KCTD1: variants seen among roughly 807,000 people sequenced by gnomAD.
KCTD1 encodes BTB/POZ domain-containing protein KCTD1.
A neutral mutation model predicts 66.0 loss-of-function variants in KCTD1; 24 were observed. The ratio of observed to expected loss-of-function variants is 0.36; its 90% CI spans 0.26 to 0.51. KCTD1 has a LOEUF of 0.51. Ranked by LOEUF, KCTD1 falls within the 20% of genes least tolerant of loss-of-function variation. The pLI is 0.95. For synonymous variants in KCTD1, 511 were observed against 517.2 expected (o/e 0.99, Z 0.16); for missense variants, 943 against 1,205.2 (o/e 0.78, Z 3.22).
chr18:26,465,909 GC>G (rs1980702767), intron 3 of KCTD1, among the ~76,000 whole-genome samples: 1 of 152,222 alleles, frequency 6.6e-6, no homozygotes. Context: ...GTACCAGACA[GC>G]GCTAGTCACC....
chr18:26,566,861 G>C (rs575847562), intron 1 of KCTD1: 1 of 151,786 alleles, frequency 6.6e-6, no homozygotes, highest in East Asian at 1.9e-4. Context: ...AGTTGGGGGT[G>C]GGGGCAAACA....
At chr18:26,520,954 T>C (rs925190672) in intron 1 of KCTD1, among the ~76,000 whole-genome samples, 2 of 152,248 alleles carry the variant, frequency 1.3e-5, no homozygotes, top group Non-Finnish European at 2.9e-5. Flanking sequence ...CTTCTCATGC[T>C]GTAAAAAGGA....
At chr18:26,459,070 G>A (rs1980260215) in intron 4 of KCTD1, 1 of 152,614 alleles carries the variant, frequency 6.6e-6, no homozygotes, top group Non-Finnish European at 1.5e-5. Context: ...ATTTTCCCGG[G>A]CCTCCTGTCT....
At chr18:26,645,323 C>T (rs566374975), upstream of KCTD1, among the ~76,000 whole-genome samples, 2 of 152,202 alleles carry the variant, frequency 1.3e-5, no homozygotes, top group African/African-American at 2.4e-5. Context: ...GATCATAGCT[C>T]ACAGCAGCCT....
At chr18:26,643,928 C>G (rs1987884220), upstream of KCTD1, among the ~76,000 whole-genome samples, 1 of 151,938 alleles carries the variant, frequency 6.6e-6, no homozygotes, top group Non-Finnish European at 1.5e-5. Flanking sequence ...CACCACTGCA[C>G]TCCAGCCTGG....
At chr18:26,579,472 G>A (rs560155977) in intron 1 of KCTD1, among the ~76,000 whole-genome samples, 15 of 152,206 alleles carry the variant, frequency 9.9e-5, no homozygotes, top group Admixed American at 7.8e-4. Flanking sequence ...TTCAATAATT[G>A]TCATCTGGTG....
At chr18:26,494,495 C>T (rs1002116964) in intron 2 of KCTD1, among the ~76,000 whole-genome samples, 1 of 152,146 alleles carries the variant, frequency 6.6e-6, no homozygotes, top group Non-Finnish European at 1.5e-5. Flanking sequence ...AAAAATAAGG[C>T]CTTTTTTGTT....
chr18:26,589,731 G>T (rs1344455191), intron 1 of KCTD1, among the ~76,000 whole-genome samples: 1 of 152,154 alleles, frequency 6.6e-6, no homozygotes, highest in East Asian at 1.9e-4. Flanking sequence ...GCCCCAGTGG[G>T]TCAACCTTGA....
upstream of KCTD1, among the ~76,000 whole-genome samples, chr18:26,630,119 A>G (rs907526380): frequency 3.9e-5 from 6 of 152,146 alleles, no homozygotes; most frequent in Non-Finnish European, 5.9e-5. Flanking sequence ...CTGTGATGAC[A>G]TTTATCCGAA....
chr18:26,642,844 A>G (rs889313214), upstream of KCTD1, among the ~76,000 whole-genome samples: 1 of 145,436 alleles, frequency 6.9e-6, no homozygotes, highest in African/African-American at 2.5e-5. Context: ...TGAACACACT[A>G]GAAGGAAATG....
chr18:26,599,785 A>G (rs1255452524), intron 1 of KCTD1: 34 of 1,574,292 alleles, frequency 2.2e-5, no homozygotes, highest in Non-Finnish European at 2.8e-5. Context: ...TGTGGAAGTG[A>G]AAGAGCTGCA....
At chr18:26,642,377 T>G (rs1987849772), upstream of KCTD1, among the ~76,000 whole-genome samples, 1 of 152,188 alleles carries the variant, frequency 6.6e-6, no homozygotes, top group Non-Finnish European at 1.5e-5. Flanking sequence ...TGTGATAATA[T>G]TCCACTAAAT....
intron 1 of KCTD1, among the ~76,000 whole-genome samples, chr18:26,572,091 G>C (rs539469377): frequency 6.8e-6 from 1 of 148,124 alleles, no homozygotes; most frequent in Non-Finnish European, 1.5e-5. Context: ...ACGTAGTCTC[G>C]CTCTGTTGCC....
chr18:26,547,986 CG>C lies in KCTD1; in HGVS notation c.550del (p.Arg184GlyfsTer4). 1 of 1,537,670 alleles carries C rather than the reference CG, an allele frequency of 6.5e-7. No homozygotes were observed. Among genetic ancestry groups the C allele is most frequent in the Non-Finnish European group, 8.7e-7 (1 of 1,144,680 alleles). On this transcript the variant is annotated frameshift_variant, in exon 1 of 5. Transcript: ENST00000580059. LOFTEE classifies it high-confidence loss of function. ...CTGCGCCTTCTCGCTCAGGTACTCC[CG>C]GAAGATGCGCACGGCGTAGCGGGTG... ...LATRYAVRIF[R>X]EYLSEKAQSP...
chr18:26,541,841 C>G (rs964197416), intron 1 of KCTD1, among the ~76,000 whole-genome samples: 24 of 152,144 alleles, frequency 1.6e-4, no homozygotes, highest in African/African-American at 5.8e-4. Flanking sequence ...CATCTAGAAG[C>G]TCATGCTGTC....
chr18:26,585,223 G>A (rs535998642), intron 1 of KCTD1, among the ~76,000 whole-genome samples: 2 of 152,238 alleles, frequency 1.3e-5, no homozygotes, highest in East Asian at 3.9e-4. Context: ...GTACATTTTG[G>A]CCACCGGCAT....
chr18:26,526,414 G>A lies in KCTD1; in HGVS notation c.1809+20314C>T, dbSNP rs75841023. Among the ~76,000 whole-genome samples, 247 of 152,304 alleles carry A rather than the reference G, an allele frequency of 1.6e-3. 6 individuals carry two copies. In the East Asian group the frequency reaches 0.044, roughly 27 times the overall value. ...ATAGAGGACCTCGTGCCCCTGCAGA[G>A]CTGCAGGATTATTTGGGGTGGCACG... is the stretch of plus-strand genomic sequence containing the variant. On this transcript the variant is annotated intron_variant, in intron 1 of 4. Transcript: ENST00000580059.
At chr18:26,619,725 C>A (rs928914545) in intron 1 of KCTD1, among the ~76,000 whole-genome samples, 20 of 152,180 alleles carry the variant, frequency 1.3e-4, no homozygotes, top group Non-Finnish European at 2.8e-4. Context: ...GGGAAAGATG[C>A]CTCTTCTTCA....
intron 1 of KCTD1, among the ~76,000 whole-genome samples, chr18:26,565,306 T>C (rs1413589053): frequency 6.6e-6 from 1 of 152,212 alleles, no homozygotes; most frequent in Non-Finnish European, 1.5e-5. Flanking sequence ...TCTGAGGGGA[T>C]TCATCAAAGA....
Sources: allele counts gnomAD v4.1 joint callset (sites outside exome capture counted in the v4.1 genomes callset), GRCh38; gene constraint gnomAD v4.1.1; transcripts MANE v1.5; gene names NCBI Gene and HGNC (gene_info 2026-07-23, HGNC 2026-07-21).